NPFFR1: variants seen among roughly 807,000 people sequenced by gnomAD.
NPFFR1 encodes G-protein coupled receptor 147.
In NPFFR1, 17 loss-of-function variants were observed where a neutral mutation model predicts 12.7. That is an observed-to-expected ratio of 1.34 (90% CI 0.92 to 2.01). NPFFR1 has a LOEUF of 2.01. Ranked by LOEUF, NPFFR1 falls within the 30% of genes most tolerant of loss-of-function variation. The pLI, the probability that NPFFR1 is intolerant of heterozygous loss-of-function variation, is 0.00. For missense variants in NPFFR1, 604 were observed against 606.5 expected, an observed-to-expected ratio of 1.00 and a Z score of 0.04; for synonymous variants, 296 against 264.5, an observed-to-expected ratio of 1.12 and a Z score of -1.16.
At chr10:70,281,502 A>G (rs912295324) in intron 1 of NPFFR1, among the ~76,000 whole-genome samples, 4 of 152,168 alleles carry the variant, frequency 2.6e-5, no homozygotes, top group African/African-American at 9.6e-5. Flanking sequence ...CCTATATCCA[A>G]GCTCTTGTCT....
At chr10:70,281,977 T>C (rs1564598784) in intron 1 of NPFFR1, among the ~76,000 whole-genome samples, 1 of 152,254 alleles carries the variant, frequency 6.6e-6, no homozygotes, top group East Asian at 1.9e-4. Context: ...AAACTAATCT[T>C]AGCAGTGTAG....
intron 2 of NPFFR1, among the ~76,000 whole-genome samples, chr10:70,263,596 T>G (rs149545716): frequency 2.2e-4 from 33 of 152,138 alleles, no homozygotes; most frequent in African/African-American, 7.9e-4. Context: ...TTTCTGAGAA[T>G]GCATACAAAA....
intron 3 of NPFFR1, among the ~76,000 whole-genome samples, chr10:70,256,112 C>T (rs10999213): frequency 0.064 from 9,566 of 149,406 alleles, 524 homozygotes; most frequent in African/African-American, 0.15. Flanking sequence ...CTCCTTCTGT[C>T]GCCCAGTCTG....
intron 1 of NPFFR1, among the ~76,000 whole-genome samples, chr10:70,273,359 G>C (rs1378390707): frequency 2.6e-5 from 4 of 152,158 alleles, no homozygotes; most frequent in Non-Finnish European, 5.9e-5. Flanking sequence ...TAACATTTTG[G>C]GGGTCATCAA....
chr10:70,274,753 G>A (rs12571636), intron 1 of NPFFR1, among the ~76,000 whole-genome samples: 7,723 of 152,282 alleles, frequency 0.051, 370 homozygotes, highest in East Asian at 0.18. Flanking sequence ...AGACAGCAGA[G>A]TAAATTACAA....
chr10:70,270,189 T>C (rs192159029), intron 1 of NPFFR1, among the ~76,000 whole-genome samples: 5 of 152,196 alleles, frequency 3.3e-5, no homozygotes, highest in Admixed American at 1.3e-4. Flanking sequence ...CTAATAATTA[T>C]GGAATAAATA....
intron 1 of NPFFR1, chr10:70,277,826 A>G (rs182583886): frequency 4.4e-6 from 2 of 457,730 alleles, no homozygotes; most frequent in East Asian, 6.8e-5. Context: ...ACAGCATAAC[A>G]TCACAGTTAA....
intron 3 of NPFFR1, among the ~76,000 whole-genome samples, chr10:70,258,384 C>T (rs763910404): frequency 2.0e-5 from 3 of 151,986 alleles, no homozygotes; most frequent in Non-Finnish European, 4.4e-5. Context: ...GTAAAAACCT[C>T]CCCCTGCAGC....
At chr10:70,262,305 T>TGAATAATA (rs1840642737) in intron 2 of NPFFR1, among the ~76,000 whole-genome samples, 1 of 152,182 alleles carries the variant, frequency 6.6e-6, no homozygotes, top group South Asian at 2.1e-4. Flanking sequence ...ATATTACAAA[T>TGAATAATA]GAATAATATT....
chr10:70,279,190 C>G (rs1840834349), intron 1 of NPFFR1, among the ~76,000 whole-genome samples: 1 of 152,158 alleles, frequency 6.6e-6, no homozygotes, highest in Admixed American at 6.5e-5. Flanking sequence ...CTCGCTCTGT[C>G]ACCCATGCTG....
At chr10:70,256,454 G>C (rs67711746) in intron 3 of NPFFR1, among the ~76,000 whole-genome samples, 3 of 152,154 alleles carry the variant, frequency 2.0e-5, no homozygotes, top group Non-Finnish European at 4.4e-5. Flanking sequence ...GTCTGTCCTC[G>C]ACAAGGACGA....
rs1840537968 is a variant in NPFFR1, at chr10:70,254,083, A to C, written c.*874T>G. 1 of 152,204 alleles carries C rather than the reference A, an allele frequency of 6.6e-6. No individual in the cohort carries two copies. The highest frequency in any genetic ancestry group is 2.1e-4 in the South Asian group (1 of 4,828). 9.4% of individuals were successfully genotyped at this position (152,204 alleles called of 1,614,324 possible). On this transcript the variant is annotated 3_prime_UTR_variant, in exon 4 of 4. Transcript: ENST00000277942. ...GAGCAGATGTGTTTCCCAATGTGGA[A>C]AATGCATACCGTGCTTCCCCTTCCT...
In NPFFR1 at chr10:70,247,602, T is replaced by TG. The variant is rs1198751162; in HGVS notation, c.*7354dup. The stretch of plus-strand genomic sequence containing the variant: ...CACCGAAAGGAAGACAGGGTGGTGA[T>TG]GGGGGGAGAGTGATTACTCCTCAAA... On this transcript the variant is annotated 3_prime_UTR_variant, in exon 4 of 4. Transcript: ENST00000277942. 6.6e-6 allele frequency: 1 copy of TG among 152,112 alleles called. No homozygotes were observed. Among genetic ancestry groups the TG allele is most frequent in the East Asian group, 1.9e-4 (1 of 5,190 alleles). The allele number at this position is 152,112 out of a possible 1,614,324, so 9.4% of individuals were successfully genotyped here. A position where few individuals can be genotyped will look rare whatever the true frequency, so the allele number is the denominator to read the frequency against.
chr10:70,251,940 G>A lies in NPFFR1; in HGVS notation c.*3017C>T, dbSNP rs972328945. 3 of 152,236 alleles carry A rather than the reference G, an allele frequency of 2.0e-5. No homozygotes were observed. The highest frequency in any genetic ancestry group is 4.4e-5 in the Non-Finnish European group (3 of 68,062). 9.4% of individuals were successfully genotyped at this position (152,236 alleles called of 1,614,324 possible). On this transcript the variant is annotated 3_prime_UTR_variant, in exon 4 of 4. Transcript: ENST00000277942. ...CCAGAGCAGCTGGGGTGGGCACAGG[G>A]AAGTGAGACACATCACAGCTGTCCT... is the stretch of plus-strand genomic sequence containing the variant.
At position 70,270,778 on chromosome 10, in the gene NPFFR1, G is replaced by A. The variant is rs542333048; in HGVS notation, c.8-4387C>T. Among the ~76,000 whole-genome samples, 38 of 152,314 alleles carry A rather than the reference G, an allele frequency of 2.5e-4. No homozygotes were observed. In the South Asian group the frequency reaches 7.7e-3, roughly 31 times the overall value. ...CTTGGATTTGTCCTTCCTGGGATCT[G>A]CCAGGTGCCCTTGTAATTACAGCCT... On this transcript the variant is annotated intron_variant, in intron 1 of 3. Coordinates refer to ENST00000277942, the MANE Select transcript of NPFFR1 (RefSeq NM_022146.5).
chr10:70,258,641 C>T (rs1445736479), intron 3 of NPFFR1, among the ~76,000 whole-genome samples: 1 of 152,150 alleles, frequency 6.6e-6, no homozygotes, highest in African/African-American at 2.4e-5. Context: ...ATTTCAAATG[C>T]TTAATAGTGA....
At chr10:70,275,518 A>G (rs905565601) in intron 1 of NPFFR1, among the ~76,000 whole-genome samples, 20 of 152,278 alleles carry the variant, frequency 1.3e-4, no homozygotes, top group African/African-American at 4.8e-4. Flanking sequence ...TGCTTCCTCA[A>G]GGTCTGCAGG....
chr10:70,251,458 G>A lies in NPFFR1; in HGVS notation c.*3499C>T, dbSNP rs1840511640. On this transcript the variant is annotated 3_prime_UTR_variant, in exon 4 of 4. Coordinates refer to ENST00000277942, the MANE Select transcript of NPFFR1 (RefSeq NM_022146.5). Reference sequence around the variant, plus strand: ...CGGCATCCGCCTCCAGCTCACATTGGTCTGTTGGGTGCTGCCTGGTCTTGG... The same window carrying A: ...CGGCATCCGCCTCCAGCTCACATTGATCTGTTGGGTGCTGCCTGGTCTTGG... 6.5e-6 allele frequency: 1 copy of A among 152,910 alleles called. No homozygotes were observed. Among genetic ancestry groups the A allele is most frequent in the Non-Finnish European group, 1.5e-5 (1 of 68,594 alleles). 9.5% of individuals were successfully genotyped at this position (152,910 alleles called of 1,614,324 possible). A position where few individuals can be genotyped will look rare whatever the true frequency, so the allele number is the denominator to read the frequency against.
chr10:70,255,471 C>T lies in NPFFR1; in HGVS notation c.779G>A (p.Arg260Gln), dbSNP rs548531274. 24 of 1,548,266 alleles carry T rather than the reference C, an allele frequency of 1.6e-5. No individual in the cohort carries two copies. The South Asian group carries it at 2.4e-4, about 15-fold the overall frequency. The change falls in exon 4 of 4, where the codon CGA (arginine) becomes CAA (glutamine). Residue 260 changes from arginine to glutamine, a missense_variant. Transcript: ENST00000277942. The surrounding 1 kb of genome is among the most constrained non-coding windows in gnomAD (Gnocchi z 4.2). ...CACGCGCGCTCTGCGCCGCGATGCT[C>T]GCGGGTCCGCAGCCTCCTCGCCCCC... ...APGGEEAADP[R>Q]ASRRRARVVH...
Sources: gnomAD v4.1 joint callset for allele counts (sites outside exome capture counted in the v4.1 genomes callset) on GRCh38, gnomAD v4.1.1 for gene constraint, Gnocchi (gnomAD v3.1) non-coding constraint, MANE v1.5 for transcripts, NCBI Gene and HGNC (gene_info 2026-07-23, HGNC 2026-07-21) for gene names.